MYO9B: variants seen among roughly 807,000 people sequenced by gnomAD.
MYO9B encodes the protein myosin IXB, also known as unconventional myosin-IXb.
In MYO9B, 71 loss-of-function variants were observed where a neutral mutation model predicts 229.5. The observed-to-expected ratio is 0.31, with a 90% confidence interval of 0.26 to 0.38. MYO9B has a LOEUF of 0.38. Ranked by LOEUF, MYO9B falls within the 10% of genes least tolerant of loss-of-function variation. The probability of loss-of-function intolerance (pLI) is 1.00; values close to 1 mark genes in which losing one functional copy is unlikely to be tolerated. For missense variants in MYO9B, 2,255 were observed against 2,920.5 expected (o/e 0.77, Z 5.25); for synonymous variants, 1,185 against 1,235.8 (o/e 0.96, Z 0.86).
At position 17,212,163 on chromosome 19, in the gene MYO9B, C is replaced by T. The variant is rs760087706; in HGVS notation, c.6327C>T (p.Ser2109=). 21 of 1,585,636 alleles carry T rather than the reference C, an allele frequency of 1.3e-5. No homozygotes were observed. The Admixed American group carries it at 1.6e-4, about 12-fold the overall frequency. ...PPARRPDQIH[S]VYITPGADLP... ...CCCGCCGCCCGGACCAGATACATTC[C>T]GTGTACATCACGCCCGGGGCAGACC... is the stretch of plus-strand genomic sequence containing the variant. Residue 2109 remains serine (S), a synonymous_variant, in exon 40 of 40, where the codon TCC becomes TCT. Coordinates refer to ENST00000682292, the MANE Select transcript of MYO9B (RefSeq NM_004145.4). The surrounding 1 kb of genome is among the most constrained non-coding windows in gnomAD (Gnocchi z 5.4).
chr19:17,203,233 C>T lies in MYO9B; in HGVS notation c.4965C>T (p.Leu1655=). The T allele has an allele frequency of 6.4e-7, 1 of 1,563,154 alleles. No homozygotes were observed. Among genetic ancestry groups the T allele is most frequent in the Non-Finnish European group, 8.7e-7 (1 of 1,153,546 alleles). ...AGCAGTGCCTCTCCTATATCTGGCT[C>T]ATGGACAAGGCCCTGCTCTGCAGCG... ...SCEQCLSYIW[L]MDKALLCSVC... Residue 1655 remains leucine (L), a synonymous_variant, in exon 30 of 40, where the codon CTC becomes CTT. Coordinates refer to ENST00000682292, the MANE Select transcript of MYO9B (RefSeq NM_004145.4).
At chr19:17,174,857 CG>C (rs2072766329) in intron 13 of MYO9B, among the ~76,000 whole-genome samples, 1 of 151,626 alleles carries the variant, frequency 6.6e-6, no homozygotes, top group Non-Finnish European at 1.5e-5. Flanking sequence ...TCACTTAAAC[CG>C]GGGAGGCAGA....
Position 17,210,351 on chromosome 19 carries a change from G to C in MYO9B, c.5767G>C (p.Gly1923Arg). 1.3e-6 allele frequency: 2 copies of C among 1,599,316 alleles called. No individual in the cohort carries two copies. Among genetic ancestry groups the C allele is most frequent in the Non-Finnish European group, 1.7e-6 (2 of 1,172,736 alleles). ...CTCCCAGCCATGGCCTCTCAAACTG[G>C]GGTTTTCGTCTCCCTATGAGGGGGT... is the stretch of plus-strand genomic sequence containing the variant. ...RQNAPWPLKL[G>R]FSSPYEGVLN... Residue 1923 changes from glycine to arginine, a missense_variant, in exon 37 of 40, where the codon GGG becomes CGG. Coordinates refer to ENST00000682292, the MANE Select transcript of MYO9B (RefSeq NM_004145.4).
chr19:17,096,914 C>T (rs925779104), intron 1 of MYO9B, among the ~76,000 whole-genome samples: 78 of 88,740 alleles, frequency 8.8e-4, no homozygotes, highest in Admixed American at 1.4e-3. Context: ...ACCATGGTCT[C>T]GATCTGACCT....
Position 17,101,697 on chromosome 19 carries a change from T to C in MYO9B, c.-21T>C. On this transcript the variant is annotated 5_prime_UTR_variant, in exon 2 of 40. Transcript: ENST00000682292. This position sits in a 1 kb window ranked among gnomAD's most constrained non-coding sequence, Gnocchi z 4.7. ...CGCGCCCCGAGCCTGGGAGGCATGC[T>C]GAAGCCAGGCGGCCGGCAGGATGAG... is the stretch of plus-strand genomic sequence containing the variant. 6.5e-7 allele frequency: 1 copy of C among 1,544,002 alleles called. No individual in the cohort carries two copies. The highest frequency in any genetic ancestry group is 8.7e-7 in the Non-Finnish European group (1 of 1,150,116).
At position 17,198,232 on chromosome 19, in the gene MYO9B, G is replaced by C; in HGVS notation, c.4162G>C (p.Val1388Leu). 6.2e-7 allele frequency: 1 copy of C among 1,613,934 alleles called. No individual in the cohort carries two copies. The part of the protein sequence containing the change: ...DGERSAKKPA[V>L]QKKKPGDASS... ...AGAGCGAAGTGCGAAAAAGCCAGCT[G>C]TCCAGAAGAAGAAGCCAGGCGACGC... Residue 1388 changes from valine to leucine, a missense_variant, in exon 24 of 40, where the codon GTC (valine) becomes CTC (leucine). Physicochemically the swap from Val to Leu is conservative, Grantham distance 32. Transcript: ENST00000682292.
chr19:17,076,102 G>GA (rs1025415177), intron 1 of MYO9B, among the ~76,000 whole-genome samples: 1 of 151,392 alleles, frequency 6.6e-6, no homozygotes, highest in Non-Finnish European at 1.5e-5. Context: ...CGAGGGCGTG[G>GA]GGGGGGTGAG....
chr19:17,089,154 C>G (rs780613561), intron 1 of MYO9B, among the ~76,000 whole-genome samples: 1 of 152,062 alleles, frequency 6.6e-6, no homozygotes, highest in Non-Finnish European at 1.5e-5. Flanking sequence ...AAAATGAGGA[C>G]AAAGGTCTCT....
intron 1 of MYO9B, among the ~76,000 whole-genome samples, chr19:17,095,255 G>A (rs1455732019): frequency 6.6e-6 from 1 of 152,048 alleles, no homozygotes; most frequent in East Asian, 1.9e-4. Flanking sequence ...AATTAAGTGT[G>A]CTAGTCAGTG....
chr19:17,081,670 G>A (rs531574292), intron 1 of MYO9B, among the ~76,000 whole-genome samples: 1 of 152,130 alleles, frequency 6.6e-6, no homozygotes, highest in South Asian at 2.1e-4. Flanking sequence ...TTAGCTGGGT[G>A]TAGTGGCACA....
intron 2 of MYO9B, among the ~76,000 whole-genome samples, chr19:17,124,707 C>G (rs1466708045): frequency 6.7e-6 from 1 of 150,058 alleles, no homozygotes; most frequent in African/African-American, 2.5e-5. Flanking sequence ...TTGCAGTGAG[C>G]CGAGATCGCG....
chr19:17,106,493 G>A (rs1252043845), intron 2 of MYO9B, among the ~76,000 whole-genome samples: 3 of 152,216 alleles, frequency 2.0e-5, no homozygotes, highest in Admixed American at 6.5e-5. Flanking sequence ...CCGCCCTGGC[G>A]TCATCCCAGC....
intron 2 of MYO9B, among the ~76,000 whole-genome samples, chr19:17,132,178 CTTTTTTTT>C (rs60927116): frequency 3.8e-5 from 3 of 78,446 alleles, no homozygotes; most frequent in South Asian, 4.5e-4. Context: ...TATTTTATTT[CTTTTTTTT>C]TTTTTTTTTT....
At position 17,203,140 on chromosome 19, in the gene MYO9B, C is replaced by T; in HGVS notation, c.4879-7C>T. On this transcript the variant is annotated splice_region_variant and splice_polypyrimidine_tract_variant and intron_variant, in intron 29 of 39. Transcript: ENST00000682292. ...TCCCTGCCCAGCGCCTTCCTCTGGC[C>T]TCACAGGTCCAGGAGCACAACGGGC... The T allele has an allele frequency of 1.3e-6, 2 of 1,562,352 alleles. No homozygotes were observed. The highest frequency in any genetic ancestry group is 1.7e-6 in the Non-Finnish European group (2 of 1,153,112).
In MYO9B at chr19:17,174,670, C is replaced by G. The variant is rs944114295; in HGVS notation, c.2141-993C>G. On this transcript the variant is annotated intron_variant, in intron 13 of 39. Coordinates refer to ENST00000682292, the MANE Select transcript of MYO9B (RefSeq NM_004145.4). ...AATAAATAGGCCGGACACGGTGGCT[C>G]ACGTCTGTAATCCCAACACTTCGGG... is the stretch of plus-strand genomic sequence containing the variant. Among the ~76,000 whole-genome samples the G allele has an allele frequency of 2.0e-5, 3 of 151,664 alleles. No individual in the cohort carries two copies. In the East Asian group the frequency reaches 5.9e-4, roughly 30 times the overall value.
rs199841902 is a variant in MYO9B, at chr19:17,175,658, G to C, written c.2141-5G>C. On this transcript the variant is annotated splice_polypyrimidine_tract_variant and splice_region_variant and intron_variant, in intron 13 of 39. Coordinates refer to ENST00000682292, the MANE Select transcript of MYO9B (RefSeq NM_004145.4). ...CCACCACCATCCACTCTGTGTCTCC[G>C]GCAGGTATGAGCAGCCCTGGTGCCC... is the stretch of plus-strand genomic sequence containing the variant. The C allele has an allele frequency of 4.5e-6, 7 of 1,567,242 alleles. No homozygotes were observed. In the South Asian group the frequency reaches 5.9e-5, roughly 13 times the overall value.
chr19:17,152,775 G>C (rs993975639), intron 4 of MYO9B, 69 bp downstream of exon 4: 4 of 1,389,298 alleles, frequency 2.9e-6, no homozygotes, highest in Non-Finnish European at 4.0e-6. Flanking sequence ...ACAGAGGAGA[G>C]AAGCAAAGCA....
At chr19:17,100,225 T>G (rs563955046) in intron 1 of MYO9B, among the ~76,000 whole-genome samples, 1 of 151,630 alleles carries the variant, frequency 6.6e-6, no homozygotes, top group African/African-American at 2.4e-5. Context: ...ATCCCAGCAC[T>G]TAGGGAAGTC....
intron 2 of MYO9B, among the ~76,000 whole-genome samples, chr19:17,142,266 T>C (rs1374208876): frequency 2.6e-5 from 4 of 151,498 alleles, no homozygotes; most frequent in African/African-American, 9.7e-5. Flanking sequence ...GGCAAATCCA[T>C]AGAGACAGGA....
Sources: allele counts gnomAD v4.1 joint callset (sites outside exome capture counted in the v4.1 genomes callset), GRCh38; gene constraint gnomAD v4.1.1; non-coding constraint Gnocchi (gnomAD v3.1); transcripts MANE v1.5; gene names NCBI Gene and HGNC (gene_info 2026-07-23, HGNC 2026-07-21).